Variants in LPXN observed in about 807,000 individuals in gnomAD.
The protein encoded by LPXN is leupaxin.
In LPXN, 28 loss-of-function variants were observed where a neutral mutation model predicts 45.6. That is an observed-to-expected ratio of 0.61 (90% CI 0.45 to 0.84). LPXN has a LOEUF of 0.84. LPXN is among the 40% of genes least tolerant of loss of function. The pLI is 0.00. For synonymous variants in LPXN, 166 were observed against 169.9 expected, an observed-to-expected ratio of 0.98 and a Z score of 0.18; for missense variants, 459 against 475.0, an observed-to-expected ratio of 0.97 and a Z score of 0.31.
chr11:58,552,237 G>A (rs533980410), intron 4 of LPXN, among the ~76,000 whole-genome samples: 2 of 151,794 alleles, frequency 1.3e-5, no homozygotes, highest in Non-Finnish European at 2.9e-5. Flanking sequence ...GGTCAGATAA[G>A]ACTTGTTGAT....
chr11:58,570,826 G>A, intron 1 of LPXN, 113 bp from the exon 2 acceptor site: 1 of 728,976 alleles, frequency 1.4e-6, no homozygotes, highest in Non-Finnish European at 2.1e-6. Context: ...TTCAATTATG[G>A]CTATTTTCAA....
chr11:58,575,966 C>G (rs1590597353), upstream of LPXN: 5 of 1,414,882 alleles, frequency 3.5e-6, no homozygotes, highest in Admixed American at 8.8e-5. Flanking sequence ...ATAGGTTACA[C>G]AGTTTTAAAA....
chr11:58,574,547 C>A (rs140534560), intron 1 of LPXN, among the ~76,000 whole-genome samples: 131 of 152,010 alleles, frequency 8.6e-4, no homozygotes, highest in South Asian at 1.0e-3. Flanking sequence ...GCCATGAAAG[C>A]CTTTCGGTGT....
chr11:58,532,995 G>A (rs1853441537), intron 7 of LPXN, among the ~76,000 whole-genome samples: 1 of 151,968 alleles, frequency 6.6e-6, no homozygotes, highest in South Asian at 2.1e-4. Context: ...CTCCAGATGG[G>A]AGGAATGAGC....
chr11:58,569,975 A>G (rs1234708225), intron 2 of LPXN, among the ~76,000 whole-genome samples: 2 of 152,022 alleles, frequency 1.3e-5, no homozygotes. Flanking sequence ...CAGTGAATGC[A>G]ATACTCTGCC....
In LPXN at chr11:58,527,529, C is replaced by T; in HGVS notation, c.1086G>A (p.Leu362=). 1 of 1,614,170 alleles carries T rather than the reference C, an allele frequency of 6.2e-7. No homozygotes were observed. The highest frequency in any genetic ancestry group is 8.5e-7 in the Non-Finnish European group (1 of 1,180,028). ...HFVCAFCLTQ[L]SKGIFREQND... is the part of the protein sequence containing the mutation. ...TCTGCTCCCTGAAAATGCCCTTCGACAACTGTGTCAGGCAGAAAGCACACA... is the reference window on the plus strand; with the variant it reads ...TCTGCTCCCTGAAAATGCCCTTCGATAACTGTGTCAGGCAGAAAGCACACA... Residue 362 remains leucine (L), a synonymous_variant, in exon 9 of 9, where the codon TTG becomes TTA. Transcript: ENST00000395074.
chr11:58,561,169 T>C (rs1191146046), intron 3 of LPXN, among the ~76,000 whole-genome samples: 1 of 152,174 alleles, frequency 6.6e-6, no homozygotes, highest in Non-Finnish European at 1.5e-5. Context: ...TGCAAAGTCA[T>C]AAATAAAAGT....
At chr11:58,557,221 T>G (rs1158238527) in intron 3 of LPXN, among the ~76,000 whole-genome samples, 1 of 152,152 alleles carries the variant, frequency 6.6e-6, no homozygotes, top group Non-Finnish European at 1.5e-5. Context: ...GAATTACCAC[T>G]TCGTAAAGAT....
intron 7 of LPXN, among the ~76,000 whole-genome samples, chr11:58,530,219 G>C (rs1301419791): frequency 6.6e-6 from 1 of 152,210 alleles, no homozygotes; most frequent in Non-Finnish European, 1.5e-5. Flanking sequence ...CCCCTGGAAA[G>C]GGGGCTTAAG....
At chr11:58,559,151 T>C (rs1854298150) in intron 3 of LPXN, among the ~76,000 whole-genome samples, 1 of 152,062 alleles carries the variant, frequency 6.6e-6, no homozygotes, top group South Asian at 2.1e-4. Flanking sequence ...ATACTAATAT[T>C]TACCTATTAG....
At chr11:58,547,253 G>T (rs144338506) in intron 7 of LPXN, among the ~76,000 whole-genome samples, 2 of 152,156 alleles carry the variant, frequency 1.3e-5, no homozygotes, top group African/African-American at 4.8e-5. Context: ...TATCTGGAAC[G>T]ATGTTAATAA....
rs1853249382 is a variant in LPXN at position 58,527,180 on chromosome 11, A to G, written c.*274T>C. 2 of 380,178 alleles carry G rather than the reference A, an allele frequency of 5.3e-6. No individual in the cohort carries two copies. The highest frequency in any genetic ancestry group is 9.7e-6 in the Non-Finnish European group (2 of 205,872). The allele number at this position is 380,178 out of a possible 1,614,324, so 23.6% of individuals were successfully genotyped here. The stretch of plus-strand genomic sequence containing the variant: ...ATGCAAGTGGAAAATACATCTGTAG[A>G]GGGACGAGATAGAAGGACCTAGATC... On this transcript the variant is annotated 3_prime_UTR_variant, in exon 9 of 9. Coordinates refer to ENST00000395074, the MANE Select transcript of LPXN (RefSeq NM_004811.3).
intron 1 of LPXN, among the ~76,000 whole-genome samples, chr11:58,573,531 T>A (rs1485126529): frequency 1.3e-5 from 2 of 152,148 alleles, no homozygotes; most frequent in Non-Finnish European, 2.9e-5. Flanking sequence ...GAGTAGGAAG[T>A]TGCCCTCAGA....
intron 4 of LPXN, among the ~76,000 whole-genome samples, chr11:58,553,436 T>C (rs753496225): frequency 2.6e-5 from 4 of 151,678 alleles, no homozygotes; most frequent in Non-Finnish European, 4.4e-5. Context: ...TTAAATCTAA[T>C]GTACATTTTT....
At chr11:58,529,250 T>A (rs1464878955) in intron 7 of LPXN, among the ~76,000 whole-genome samples, 1 of 151,846 alleles carries the variant, frequency 6.6e-6, no homozygotes, top group Non-Finnish European at 1.5e-5. Context: ...CTGAAGAAAA[T>A]ATTTGCTAAT....
intron 7 of LPXN, among the ~76,000 whole-genome samples, chr11:58,542,260 A>G (rs1853751481): frequency 6.6e-6 from 1 of 152,058 alleles, no homozygotes; most frequent in African/African-American, 2.4e-5. Flanking sequence ...CTCAAAAGAA[A>G]ACAATGAAGT....
chr11:58,563,610 C>A (rs1227514537), intron 3 of LPXN, among the ~76,000 whole-genome samples: 1 of 152,186 alleles, frequency 6.6e-6, no homozygotes, highest in Non-Finnish European at 1.5e-5. Context: ...ACTGCCAATT[C>A]TGCTTTAGCC....
chr11:58,563,033 C>T (rs1674316555), intron 3 of LPXN, among the ~76,000 whole-genome samples: 1 of 152,194 alleles, frequency 6.6e-6, no homozygotes. Context: ...AGTATTGGTA[C>T]ACCATCAGTT....
At chr11:58,564,551 A>G (rs905083599) in intron 2 of LPXN, among the ~76,000 whole-genome samples, 1 of 152,226 alleles carries the variant, frequency 6.6e-6, no homozygotes, top group African/African-American at 2.4e-5. Context: ...CTAGGAGGAG[A>G]CTATAATGTT....
Sources: allele counts gnomAD v4.1 joint callset (sites outside exome capture counted in the v4.1 genomes callset), GRCh38; gene constraint gnomAD v4.1.1; transcripts MANE v1.5; gene names NCBI Gene and HGNC (gene_info 2026-07-23, HGNC 2026-07-21).